Variants in PDZD8 observed in about 807,000 individuals in gnomAD.
PDZD8 encodes PDZ domain-containing protein 8.
A neutral mutation model predicts 85.8 loss-of-function variants in PDZD8; 14 were observed. The observed-to-expected ratio is 0.16, with a 90% confidence interval of 0.11 to 0.26. The LOEUF (loss-of-function observed/expected upper bound fraction) is 0.26. Ranked by LOEUF, PDZD8 falls within the 10% of genes least tolerant of loss-of-function variation. PDZD8 has a pLI of 1.00. For synonymous variants in PDZD8, 592 were observed against 568.6 expected (o/e 1.04, Z -0.59); for missense variants, 1,197 against 1,424.3 (o/e 0.84, Z 2.57).
intron 4 of PDZD8, among the ~76,000 whole-genome samples, chr10:117,288,849 A>G (rs377491407): frequency 2.6e-5 from 4 of 152,292 alleles, no homozygotes; most frequent in South Asian, 4.1e-4. Context: ...TCAAGGGATG[A>G]CTTTTGCTTT....
intron 3 of PDZD8, among the ~76,000 whole-genome samples, chr10:117,300,117 A>G (rs1843823095): frequency 6.6e-6 from 1 of 152,064 alleles, no homozygotes; most frequent in South Asian, 2.1e-4. Context: ...GTCTCTTTTC[A>G]GTACCAGGCC....
In PDZD8 at chr10:117,347,584, A is replaced by G. The variant is rs556507788; in HGVS notation, c.873-6482T>C. Among the ~76,000 whole-genome samples, 155 of 152,290 alleles carry G rather than the reference A, an allele frequency of 1.0e-3. 1 individual carries two copies. Among genetic ancestry groups the G allele is most frequent in the Non-Finnish European group, 1.8e-3 (124 of 68,024 alleles). On this transcript the variant is annotated intron_variant, in intron 1 of 4. Transcript: ENST00000334464. ...GGCTGTGTCACAGGCCATGTCACTC[A>G]TATTTGGCTCAGAATAAGTCTCTTC... is the stretch of plus-strand genomic sequence containing the variant.
At chr10:117,339,264 G>C (rs1159302562) in intron 2 of PDZD8, among the ~76,000 whole-genome samples, 1 of 152,090 alleles carries the variant, frequency 6.6e-6, no homozygotes, top group Non-Finnish European at 1.5e-5. Flanking sequence ...TGTATTATGG[G>C]TTGGAAATAA....
chr10:117,318,987 AC>A lies in PDZD8; in HGVS notation c.996-14del. 6.5e-7 allele frequency: 1 copy of A among 1,548,826 alleles called. No homozygotes were observed. ...AAAAATGAGTAACCTGCAGAATAAA[AC>A]AAAACAAGGGAGAGTATCATACCTG... On this transcript the variant is annotated splice_polypyrimidine_tract_variant and intron_variant, in intron 2 of 4. Coordinates refer to ENST00000334464, the MANE Select transcript of PDZD8 (RefSeq NM_173791.5).
chr10:117,326,858 T>C (rs760712487), intron 2 of PDZD8, among the ~76,000 whole-genome samples: 3 of 152,152 alleles, frequency 2.0e-5, no homozygotes, highest in Non-Finnish European at 4.4e-5. Flanking sequence ...ACATCTGGTA[T>C]TAAAGAGACT....
At position 117,374,591 on chromosome 10, in the gene PDZD8, C is replaced by T. The variant is rs749129167; in HGVS notation, c.637G>A (p.Gly213Ser). 4 of 1,592,254 alleles carry T rather than the reference C, an allele frequency of 2.5e-6. No individual in the cohort carries two copies. Among genetic ancestry groups the T allele is most frequent in the Non-Finnish European group, 3.4e-6 (4 of 1,168,954 alleles). Residue 213 changes from glycine to serine, a missense_variant, in exon 1 of 5, where the codon GGC (glycine) becomes AGC (serine). Coordinates refer to ENST00000334464, the MANE Select transcript of PDZD8 (RefSeq NM_173791.5). The surrounding 1 kb of genome is among the most constrained non-coding windows in gnomAD (Gnocchi z 7.8). ...HLAIDVDLVF[G>S]KSAYLFVKLS... ...TTGACAAACAAGTAGGCGGACTTGC[C>T]GAAGACCAGGTCCACGTCGATGGCC... is the stretch of plus-strand genomic sequence containing the variant.
chr10:117,309,232 C>G (rs1185186812), intron 3 of PDZD8, among the ~76,000 whole-genome samples: 2 of 152,024 alleles, frequency 1.3e-5, no homozygotes, highest in African/African-American at 4.8e-5. Context: ...CCTCCTTTAA[C>G]TTGCTCTTAA....
At chr10:117,329,991 A>G in intron 2 of PDZD8, among the ~76,000 whole-genome samples, 1 of 68,222 alleles carries the variant, frequency 1.5e-5, no homozygotes, top group African/African-American at 5.4e-5. Context: ...GAAGGAAGGA[A>G]GGAAGGAAGG....
chr10:117,335,883 G>C (rs1844508368), intron 2 of PDZD8, among the ~76,000 whole-genome samples: 1 of 152,178 alleles, frequency 6.6e-6, no homozygotes, highest in South Asian at 2.1e-4. Flanking sequence ...GTGAATAAAA[G>C]TGCCGATGTT....
intron 2 of PDZD8, among the ~76,000 whole-genome samples, chr10:117,329,370 C>T (rs1164585100): frequency 6.6e-6 from 1 of 152,090 alleles, no homozygotes; most frequent in Non-Finnish European, 1.5e-5. Context: ...CTTTTAAAGG[C>T]AAAGGTATGT....
At chr10:117,340,232 G>GT (rs1458623762) in intron 2 of PDZD8, among the ~76,000 whole-genome samples, 1 of 152,118 alleles carries the variant, frequency 6.6e-6, no homozygotes, top group Non-Finnish European at 1.5e-5. Flanking sequence ...TCTCAAAACC[G>GT]TTTTGATAGG....
chr10:117,344,399 T>A (rs548661661), intron 1 of PDZD8, among the ~76,000 whole-genome samples: 2 of 152,192 alleles, frequency 1.3e-5, no homozygotes, highest in African/African-American at 2.4e-5. Context: ...TTATTTTTTA[T>A]TTTTTTGAGA....
At chr10:117,359,327 G>C (rs1381960016) in intron 1 of PDZD8, among the ~76,000 whole-genome samples, 1 of 151,830 alleles carries the variant, frequency 6.6e-6, no homozygotes, top group Non-Finnish European at 1.5e-5. Flanking sequence ...GGGATGGTAG[G>C]ATCACTTGAG....
rs768176272 is a variant in PDZD8, at chr10:117,285,193, CATCTTTGAACTCATT to C, written c.1525_1539del (p.Asn509_Asp513del). 6.2e-7 allele frequency: 1 copy of C among 1,614,180 alleles called. No individual in the cohort carries two copies. Among genetic ancestry groups the C allele is most frequent in the African/African-American group, 1.3e-5 (1 of 75,034 alleles). ...GGACTATGACTTAATGATTGTGCCT[CATCTTTGAACTCATT>C]TTGTGCTCTGACATCACTTGCCAAG... is the stretch of plus-strand genomic sequence containing the variant. On this transcript the variant is annotated inframe_deletion, in exon 5 of 5. Transcript: ENST00000334464.
chr10:117,367,076 G>A (rs75889412), intron 1 of PDZD8, among the ~76,000 whole-genome samples: 1,913 of 152,240 alleles, frequency 0.013, 42 homozygotes, highest in African/African-American at 0.043. Context: ...AGAAACTGTG[G>A]CTTTTTGGGA....
chr10:117,329,925 G>A (rs1468982897), intron 2 of PDZD8, among the ~76,000 whole-genome samples: 1 of 146,228 alleles, frequency 6.8e-6, no homozygotes, highest in Non-Finnish European at 1.5e-5. Context: ...CAGTCTTGGT[G>A]ACAGAATGAG....
Position 117,333,117 on chromosome 10 carries a change from C to CAAAAAAAAACAAAAAAAAAAAAAAAA in PDZD8, c.995+7862_995+7863insTTTTTTTTTTTTTTTTGTTTTTTTTT. Among the ~76,000 whole-genome samples, 2 of 7,260 alleles carry CAAAAAAAAACAAAAAAAAAAAAAAAA rather than the reference C, an allele frequency of 2.8e-4. 1 individual carries two copies. Among genetic ancestry groups the CAAAAAAAAACAAAAAAAAAAAAAAAA allele is most frequent in the Non-Finnish European group, 1.2e-3 (2 of 1,738 alleles). 4.8% of individuals were successfully genotyped at this position (7,260 alleles called of 152,430 possible). On this transcript the variant is annotated intron_variant, in intron 2 of 4. Coordinates refer to ENST00000334464, the MANE Select transcript of PDZD8 (RefSeq NM_173791.5). ...CTGGACAGCAGAGTGGACTCTGTCT[C>CAAAAAAAAACAAAAAAAAAAAAAAAA]AAAAAAAAAAAAAAAAAAAAAAAAA...
intron 2 of PDZD8, among the ~76,000 whole-genome samples, chr10:117,324,600 AC>A (rs1209849291): frequency 6.6e-6 from 1 of 152,196 alleles, no homozygotes; most frequent in Non-Finnish European, 1.5e-5. Flanking sequence ...ACTCTGGAAT[AC>A]AAGTTTCTGA....
rs1844824460 is a variant in PDZD8 at position 117,352,635 on chromosome 10, GC to G, written c.873-11534del. ...AAAAGGGAGGAGGGGAATAATCCAT[GC>G]TTTTTGTTACCTATGAGAGGGTGAA... On this transcript the variant is annotated intron_variant, in intron 1 of 4. Transcript: ENST00000334464. Among the ~76,000 whole-genome samples the G allele has an allele frequency of 2.0e-5, 3 of 152,180 alleles. No individual in the cohort carries two copies. In the South Asian group the frequency reaches 6.2e-4, roughly 32 times the overall value.
Sources: allele counts gnomAD v4.1 joint callset (sites outside exome capture counted in the v4.1 genomes callset), GRCh38; gene constraint gnomAD v4.1.1; non-coding constraint Gnocchi (gnomAD v3.1); transcripts MANE v1.5; gene names NCBI Gene and HGNC (gene_info 2026-07-23, HGNC 2026-07-21).